SMARCAD1: variants seen among roughly 807,000 people sequenced by gnomAD.
SMARCAD1 encodes SWI/SNF-related matrix-associated actin-dependent regulator of chromatin subfamily A containing DEAD/H box 1.
SMARCAD1 carries 25 observed loss-of-function variants against 127.1 expected under a neutral mutation model. That is an observed-to-expected ratio of 0.20 (90% CI 0.14 to 0.27). The LOEUF is 0.27. Ranked by LOEUF, SMARCAD1 falls within the 10% of genes least tolerant of loss-of-function variation. The probability of loss-of-function intolerance (pLI) is 1.00; values close to 1 mark genes in which losing one functional copy is unlikely to be tolerated. For missense variants in SMARCAD1, 807 were observed against 1,206.0 expected (o/e 0.67, Z 4.90); for synonymous variants, 400 against 396.9 (o/e 1.01, Z -0.09).
In SMARCAD1 at chr4:94,290,409, T is replaced by C. The variant is rs764580020; in HGVS notation, c.*875T>C. The C allele has an allele frequency of 8.8e-6, 4 of 454,524 alleles. No individual in the cohort carries two copies. The highest frequency in any genetic ancestry group is 4.7e-5 in the South Asian group (3 of 64,472). The allele number at this position is 454,524 out of a possible 1,614,324, so 28.2% of individuals were successfully genotyped here. A position where few individuals can be genotyped will look rare whatever the true frequency, so the allele number is the denominator to read the frequency against. On this transcript the variant is annotated 3_prime_UTR_variant, in exon 24 of 24. Coordinates refer to ENST00000354268, the MANE Select transcript of SMARCAD1 (RefSeq NM_020159.5). ...CACATCTCCATGCATCAGCAAAATG[T>C]TGGTGACATTTTTCTAGCCTGGCAG...
At chr4:94,217,506 T>A (rs1346263761) in intron 2 of SMARCAD1, among the ~76,000 whole-genome samples, 1 of 152,198 alleles carries the variant, frequency 6.6e-6, no homozygotes, top group Non-Finnish European at 1.5e-5. Context: ...TGAGGTTTTG[T>A]CTCTTTTTAA....
At chr4:94,213,993 A>G (rs1742722277) in intron 2 of SMARCAD1, among the ~76,000 whole-genome samples, 1 of 152,230 alleles carries the variant, frequency 6.6e-6, no homozygotes, top group Non-Finnish European at 1.5e-5. Context: ...GAATAGTCAT[A>G]GAAAATGATA....
intron 6 of SMARCAD1, among the ~76,000 whole-genome samples, chr4:94,241,254 ATTCT>A (rs1294383092): frequency 6.6e-6 from 1 of 152,208 alleles, no homozygotes; most frequent in Non-Finnish European, 1.5e-5. Context: ...TAAATGAATC[ATTCT>A]TTCTTTTCTT....
chr4:94,261,763 C>T (rs1192477974), intron 9 of SMARCAD1, among the ~76,000 whole-genome samples: 1 of 152,144 alleles, frequency 6.6e-6, no homozygotes, highest in Non-Finnish European at 1.5e-5. Context: ...GCACGTGCCA[C>T]CACACCGGCT....
intron 2 of SMARCAD1, chr4:94,212,885 C>A: frequency 2.6e-6 from 1 of 389,284 alleles, no homozygotes; most frequent in Non-Finnish European, 5.0e-6. Context: ...TCCCTAATGC[C>A]CCTCTAAATC....
intron 9 of SMARCAD1, chr4:94,253,584 C>A (rs1349706770): frequency 2.9e-6 from 3 of 1,051,788 alleles, no homozygotes; most frequent in East Asian, 1.6e-4. Context: ...TGGAGTGTAG[C>A]AGGCTGCAGC....
chr4:94,208,367 T>A lies in SMARCAD1; in HGVS notation c.-28T>A. On this transcript the variant is annotated 5_prime_UTR_variant, in exon 2 of 24. Coordinates refer to ENST00000354268, the MANE Select transcript of SMARCAD1 (RefSeq NM_020159.5). ...GCAGATAGTTCATTTAAAGCCCCCATCCCTGCAAGGTGGTGCTTTCTACCA... is the reference window on the plus strand; with the variant it reads ...GCAGATAGTTCATTTAAAGCCCCCAACCCTGCAAGGTGGTGCTTTCTACCA... The A allele has an allele frequency of 6.2e-7, 1 of 1,610,422 alleles. No homozygotes were observed. Among genetic ancestry groups the A allele is most frequent in the East Asian group, 2.2e-5 (1 of 44,856 alleles).
intron 9 of SMARCAD1, among the ~76,000 whole-genome samples, chr4:94,255,593 T>C (rs1312189138): frequency 2.0e-5 from 3 of 151,946 alleles, no homozygotes; most frequent in African/African-American, 7.2e-5. Context: ...AATATACTTA[T>C]TAATATTACC....
intron 14 of SMARCAD1, 46 bp from the exon 15 acceptor site, chr4:94,276,293 G>A: frequency 6.2e-7 from 1 of 1,608,840 alleles, no homozygotes. Context: ...TAGACTCCAA[G>A]CTCTTAAAGG....
At chr4:94,239,516 A>G (rs1369787133) in intron 5 of SMARCAD1, among the ~76,000 whole-genome samples, 1 of 151,634 alleles carries the variant, frequency 6.6e-6, no homozygotes, top group East Asian at 1.9e-4. Flanking sequence ...AGATAAGAGT[A>G]CGAATTTATT....
intron 2 of SMARCAD1, among the ~76,000 whole-genome samples, chr4:94,213,992 TAGAA>T (rs1325922657): frequency 6.6e-6 from 1 of 152,128 alleles, no homozygotes; most frequent in African/African-American, 2.4e-5. Flanking sequence ...AGAATAGTCA[TAGAA>T]AATGATAGTG....
At chr4:94,251,921 G>A (rs753959162) in intron 8 of SMARCAD1, among the ~76,000 whole-genome samples, 3 of 151,762 alleles carry the variant, frequency 2.0e-5, no homozygotes, top group Non-Finnish European at 4.4e-5. Flanking sequence ...GCACAGTCTC[G>A]GCTAACTGCA....
chr4:94,272,870 A>T (rs1051124728), intron 11 of SMARCAD1, among the ~76,000 whole-genome samples: 1 of 151,190 alleles, frequency 6.6e-6, no homozygotes, highest in Admixed American at 6.6e-5. Context: ...GCAGCGGCGC[A>T]CTCTCAGCTC....
chr4:94,282,093 T>TTTTA (rs1211022246), intron 21 of SMARCAD1, among the ~76,000 whole-genome samples: 22 of 188 alleles, frequency 0.12, no homozygotes, highest in African/African-American at 0.2. Flanking sequence ...TGCAAATACG[T>TTTTA]TTTTTTGTTT....
intron 9 of SMARCAD1, among the ~76,000 whole-genome samples, chr4:94,260,457 C>A (rs1284759435): frequency 6.6e-6 from 1 of 152,022 alleles, no homozygotes; most frequent in Non-Finnish European, 1.5e-5. Flanking sequence ...AATTCTTGTG[C>A]CTCAGCCTCC....
intron 5 of SMARCAD1, 61 bp downstream of exon 5, chr4:94,237,079 T>C: frequency 7.8e-7 from 1 of 1,288,056 alleles, no homozygotes; most frequent in Non-Finnish European, 1.1e-6. Context: ...AATAGTACCT[T>C]CTCATTAATA....
intron 12 of SMARCAD1, among the ~76,000 whole-genome samples, chr4:94,274,512 T>C (rs1752991915): frequency 6.6e-6 from 1 of 152,086 alleles, no homozygotes; most frequent in Non-Finnish European, 1.5e-5. Context: ...AGATGGGGTT[T>C]CACCATGTTG....
At position 94,289,856 on chromosome 4, in the gene SMARCAD1, A is replaced by T. The variant is rs1176470179; in HGVS notation, c.*322A>T. 1 of 477,172 alleles carries T rather than the reference A, an allele frequency of 2.1e-6. No individual in the cohort carries two copies. Among genetic ancestry groups the T allele is most frequent in the Non-Finnish European group, 4.1e-6 (1 of 242,906 alleles). 29.6% of individuals were successfully genotyped at this position (477,172 alleles called of 1,614,324 possible). ...GCTTTAGAAATGTCAGTATTTTTGT[A>T]ATTATTTCTACCTCCAAATATATAT... On this transcript the variant is annotated 3_prime_UTR_variant, in exon 24 of 24. Coordinates refer to ENST00000354268, the MANE Select transcript of SMARCAD1 (RefSeq NM_020159.5).
intron 23 of SMARCAD1, among the ~76,000 whole-genome samples, chr4:94,285,842 T>A (rs959569640): frequency 1.8e-4 from 27 of 152,208 alleles, no homozygotes; most frequent in Admixed American, 1.5e-3. Flanking sequence ...CAATTAGCAG[T>A]CATTACTAGG....
Sources: gnomAD v4.1 joint callset for allele counts (sites outside exome capture counted in the v4.1 genomes callset) on GRCh38, gnomAD v4.1.1 for gene constraint, MANE v1.5 for transcripts, NCBI Gene and HGNC (gene_info 2026-07-23, HGNC 2026-07-21) for gene names.